SIPA1L3: variants seen among roughly 807,000 people sequenced by gnomAD.
SIPA1L3 encodes the protein signal induced proliferation associated 1 like 3.
A neutral mutation model predicts 150.1 loss-of-function variants in SIPA1L3; 59 were observed. That is an observed-to-expected ratio of 0.39 (90% CI 0.32 to 0.49). SIPA1L3 has a LOEUF of 0.49. SIPA1L3 is among the 20% of genes least tolerant of loss of function. The pLI is 0.86. For missense variants in SIPA1L3, 2,211 were observed against 2,489.5 expected, an observed-to-expected ratio of 0.89 and a Z score of 2.38; for synonymous variants, 1,070 against 1,077.6, an observed-to-expected ratio of 0.99 and a Z score of 0.14.
chr19:38,064,518 A>G (rs1245789510), intron 2 of SIPA1L3, among the ~76,000 whole-genome samples: 3 of 152,208 alleles, frequency 2.0e-5, no homozygotes, highest in African/African-American at 7.2e-5. Flanking sequence ...CCAACATGGC[A>G]AAACCCCATA....
Position 38,207,734 on chromosome 19 carries a change from G to C in SIPA1L3, c.*1494G>C, listed in dbSNP as rs1397208284. 1 of 152,254 alleles carries C rather than the reference G, an allele frequency of 6.6e-6. No homozygotes were observed. The highest frequency in any genetic ancestry group is 2.4e-5 in the African/African-American group (1 of 41,428). The allele number at this position is 152,254 out of a possible 1,614,324, so 9.4% of individuals were successfully genotyped here. ...TCTGGGGTCAGGAACCTCAGAGGAG[G>C]GGGCTCTGGGGACTGCATAGGACGC... On this transcript the variant is annotated 3_prime_UTR_variant, in exon 22 of 22. Transcript: ENST00000222345.
In SIPA1L3 at chr19:38,119,475, C is replaced by T. The variant is rs367900084; in HGVS notation, c.2461C>T (p.Arg821Cys). ...DKFHTMATRTRQEYLKDLAEN... is the reference protein window; with the variant it reads ...DKFHTMATRTCQEYLKDLAEN... ...GTTCCACACCATGGCCACCAGGACCCGCCAGGAGTATCTCAAGGACCTGGC... is the reference window on the plus strand; with the variant it reads ...GTTCCACACCATGGCCACCAGGACCTGCCAGGAGTATCTCAAGGACCTGGC... The change falls in exon 9 of 22, where the codon CGC becomes TGC. Residue 821 changes from arginine (R) to cysteine (C), a missense_variant. Arg to Cys is a radical substitution (Grantham distance 180). This residue lies in a region of SIPA1L3 where 625 missense variants were observed against 804.2 expected (regional missense o/e 0.78). Coordinates refer to ENST00000222345, the MANE Select transcript of SIPA1L3 (RefSeq NM_015073.3). The T allele has an allele frequency of 5.0e-6, 8 of 1,614,052 alleles. No individual in the cohort carries two copies. The highest frequency in any genetic ancestry group is 2.2e-5 in the East Asian group (1 of 44,884).
chr19:37,995,664 C>A (rs1967623325), intron 1 of SIPA1L3, among the ~76,000 whole-genome samples: 1 of 152,098 alleles, frequency 6.6e-6, no homozygotes, highest in Admixed American at 6.6e-5. Flanking sequence ...GGGGCCTGGG[C>A]AGAGGGCACA....
chr19:38,009,308 G>A (rs997025661), intron 1 of SIPA1L3, among the ~76,000 whole-genome samples: 4 of 152,080 alleles, frequency 2.6e-5, no homozygotes, highest in African/African-American at 7.2e-5. Context: ...ATGAGCCACC[G>A]CGCCCAGCCC....
At chr19:38,133,803 C>T (rs1226277233) in intron 10 of SIPA1L3, among the ~76,000 whole-genome samples, 1 of 152,092 alleles carries the variant, frequency 6.6e-6, no homozygotes, top group Admixed American at 6.6e-5. Context: ...TCCACAAGAG[C>T]GTTTGTGAAG....
chr19:37,951,290 AG>A (rs1443112405), intron 1 of SIPA1L3, among the ~76,000 whole-genome samples: 1 of 152,246 alleles, frequency 6.6e-6, no homozygotes, highest in Middle Eastern at 3.2e-3. Flanking sequence ...TAACTGGAAA[AG>A]GGAAGCAAAC....
At chr19:37,984,158 C>T (rs531289880) in intron 1 of SIPA1L3, among the ~76,000 whole-genome samples, 29 of 152,188 alleles carry the variant, frequency 1.9e-4, no homozygotes, top group East Asian at 5.8e-4. Flanking sequence ...CTGCGCAGGG[C>T]GGGGCAGCGA....
At chr19:37,996,691 A>C (rs1044839827) in intron 1 of SIPA1L3, among the ~76,000 whole-genome samples, 1 of 151,452 alleles carries the variant, frequency 6.6e-6, no homozygotes, top group Non-Finnish European at 1.5e-5. Flanking sequence ...CATCCTCTGT[A>C]TTTTATTTTA....
At chr19:38,150,043 T>C (rs1971783469) in intron 12 of SIPA1L3, among the ~76,000 whole-genome samples, 1 of 152,230 alleles carries the variant, frequency 6.6e-6, no homozygotes, top group Non-Finnish European at 1.5e-5. Flanking sequence ...ACCAGGCAGC[T>C]AGCCAGGTGT....
At chr19:38,017,366 G>A (rs1968260918) in intron 1 of SIPA1L3, among the ~76,000 whole-genome samples, 1 of 152,146 alleles carries the variant, frequency 6.6e-6, no homozygotes, top group African/African-American at 2.4e-5. Context: ...ACCCTCTGAA[G>A]GTCATTCTTA....
At chr19:38,098,249 G>A (rs1030022114) in intron 4 of SIPA1L3, among the ~76,000 whole-genome samples, 16 of 152,140 alleles carry the variant, frequency 1.1e-4, no homozygotes, top group African/African-American at 2.9e-4. Flanking sequence ...AAGTCTGGAC[G>A]TAGGCAGCTG....
Position 38,207,156 on chromosome 19 carries a change from G to C in SIPA1L3, c.*916G>C, listed in dbSNP as rs568353057. The C allele has an allele frequency of 6.6e-6, 1 of 151,932 alleles. No individual in the cohort carries two copies. Among genetic ancestry groups the C allele is most frequent in the East Asian group, 2.0e-4 (1 of 5,118 alleles). The allele number at this position is 151,932 out of a possible 1,614,324, so 9.4% of individuals were successfully genotyped here. On this transcript the variant is annotated 3_prime_UTR_variant, in exon 22 of 22. Coordinates refer to ENST00000222345, the MANE Select transcript of SIPA1L3 (RefSeq NM_015073.3). ...CGGCCTCTTCTGGGTTCCAGGAGGG[G>C]CTCCCGAAGCCCTCAGGACAGGGCT...
chr19:38,106,275 T>C (rs1970621547), intron 6 of SIPA1L3: 1 of 341,712 alleles, frequency 2.9e-6, no homozygotes, highest in Non-Finnish European at 5.5e-6. Flanking sequence ...CCTGGCTAAT[T>C]TTTGTGCTTT....
At position 38,142,661 on chromosome 19, in the gene SIPA1L3, T is replaced by A; in HGVS notation, c.3484T>A (p.Ser1162Thr). ...CTACCGACAGCCTTCTGGGAGCTTC[T>A]CCACCCCCGGTTCGGCCACCTACGT... ...PPYRQPSGSF[S>T]TPGSATYVRY... is the part of the protein sequence containing the mutation. Residue 1162 changes from serine to threonine, a missense_variant, in exon 12 of 22, where the codon TCC (serine) becomes ACC (threonine). Around this residue, in one of 5 missense-constraint regions of SIPA1L3, gnomAD observed 806 missense variants for 870.1 expected, o/e 0.93. Transcript: ENST00000222345. The A allele has an allele frequency of 1.9e-6, 3 of 1,614,040 alleles. No individual in the cohort carries two copies. Among genetic ancestry groups the A allele is most frequent in the Non-Finnish European group, 2.5e-6 (3 of 1,179,958 alleles).
rs1448241725 is a variant in SIPA1L3, at chr19:38,119,680, T to C, written c.2666T>C (p.Ile889Thr). 5 of 1,614,160 alleles carry C rather than the reference T, an allele frequency of 3.1e-6. No homozygotes were observed. The South Asian group carries it at 4.4e-5, about 14-fold the overall frequency. Reference sequence around the variant, plus strand: ...GCCCAGGGGGTGGAAATCGACTGCATTTTGGGAATTTCCAATGAGTTTGTG... The same window carrying C: ...GCCCAGGGGGTGGAAATCGACTGCACTTTGGGAATTTCCAATGAGTTTGTG... ...DYAQGVEIDC[I>T]LGISNEFVVL... Residue 889 changes from isoleucine (I) to threonine (T), a missense_variant, in exon 9 of 22, where the codon ATT becomes ACT. Around this residue, in one of 5 missense-constraint regions of SIPA1L3, gnomAD observed 625 missense variants for 804.2 expected, o/e 0.78. Transcript: ENST00000222345.
At chr19:38,006,567 G>T (rs750814805) in intron 1 of SIPA1L3, among the ~76,000 whole-genome samples, 1 of 152,174 alleles carries the variant, frequency 6.6e-6, no homozygotes, top group Non-Finnish European at 1.5e-5. Flanking sequence ...GACTCTGGGC[G>T]TAATAAGAGA....
chr19:37,927,685 G>GTC (rs1568466865), intron 1 of SIPA1L3, among the ~76,000 whole-genome samples: 1 of 137,916 alleles, frequency 7.3e-6, no homozygotes, highest in African/African-American at 2.6e-5. Context: ...GTGTGTGTGT[G>GTC]TGTGTGTATG....
intron 2 of SIPA1L3, among the ~76,000 whole-genome samples, chr19:38,056,821 T>A (rs992096557): frequency 6.6e-6 from 1 of 152,102 alleles, no homozygotes; most frequent in Non-Finnish European, 1.5e-5. Flanking sequence ...TCCAACACTT[T>A]GGGAGGCGGG....
At chr19:37,915,728 A>C (rs2145473588) in intron 1 of SIPA1L3, among the ~76,000 whole-genome samples, 1 of 152,322 alleles carries the variant, frequency 6.6e-6, no homozygotes, top group East Asian at 1.9e-4. Flanking sequence ...TTAAAGTATC[A>C]TACTATAGCC....
Sources: gnomAD v4.1 joint callset for allele counts (sites outside exome capture counted in the v4.1 genomes callset) on GRCh38, gnomAD v4.1.1 for gene constraint, gnomAD v4.1.1 regional missense constraint, MANE v1.5 for transcripts, NCBI Gene and HGNC (gene_info 2026-07-23, HGNC 2026-07-21) for gene names.